ZCCHC7: variants seen among roughly 807,000 people sequenced by gnomAD.
The protein encoded by ZCCHC7 is zinc finger CCHC domain-containing protein 7.
A neutral mutation model predicts 52.0 loss-of-function variants in ZCCHC7; 35 were observed. The observed-to-expected ratio is 0.67, with a 90% CI of 0.51 to 0.89. The LOEUF is 0.89. Ranked by LOEUF, ZCCHC7 falls within the 40% of genes least tolerant of loss-of-function variation. The probability of loss-of-function intolerance (pLI) is 0.00; values close to 1 mark genes in which losing one functional copy is unlikely to be tolerated. For synonymous variants in ZCCHC7, 217 were observed against 221.5 expected, an observed-to-expected ratio of 0.98 and a Z score of 0.18; for missense variants, 574 against 649.1, an observed-to-expected ratio of 0.88 and a Z score of 1.26.
intron 2 of ZCCHC7, among the ~76,000 whole-genome samples, chr9:37,138,270 C>T (rs1215996980): frequency 6.6e-6 from 1 of 151,946 alleles, no homozygotes; most frequent in Non-Finnish European, 1.5e-5. Flanking sequence ...GTGAATGGAG[C>T]GAGGTTTGAA....
In ZCCHC7 at chr9:37,296,936, A is replaced by G. The variant is rs147148375; in HGVS notation, c.611-5252A>G. Among the ~76,000 whole-genome samples the G allele has an allele frequency of 5.2e-3, 581 of 111,790 alleles. 2 individuals carry two copies. Among genetic ancestry groups the G allele is most frequent in the African/African-American group, 0.017 (542 of 32,612 alleles). 73.3% of individuals were successfully genotyped at this position (111,790 alleles called of 152,430 possible). A position where few individuals can be genotyped will look rare whatever the true frequency, so the allele number is the denominator to read the frequency against. On this transcript the variant is annotated intron_variant, in intron 2 of 8. Coordinates refer to ENST00000336755, the MANE Select transcript of ZCCHC7 (RefSeq NM_032226.3). The stretch of plus-strand genomic sequence containing the variant: ...GTGTGTGTGTGTGTGTGTTTCGTAG[A>G]GATGAGGTCTCACTATGTTACCTAA...
At position 37,126,902 on chromosome 9, in the gene ZCCHC7, C is replaced by A; in HGVS notation, c.570C>A (p.Ile190=). Residue 190 remains isoleucine, a synonymous_variant, in exon 2 of 9, where the codon ATC becomes ATA. Coordinates refer to ENST00000336755, the MANE Select transcript of ZCCHC7 (RefSeq NM_032226.3). ...AAGTAGATGATAAAGATGATGATAT[C>A]CTTCTCAACCTTGTGGGATGTGAAA... ...GCEVDDKDDD[I]LLNLVGCENS... The A allele has an allele frequency of 1.2e-6, 2 of 1,614,020 alleles. No individual in the cohort carries two copies. The highest frequency in any genetic ancestry group is 2.2e-5 in the South Asian group (2 of 91,066).
intron 2 of ZCCHC7, among the ~76,000 whole-genome samples, chr9:37,208,429 ACC>A (rs1211853615): frequency 6.6e-6 from 1 of 152,078 alleles, no homozygotes; most frequent in East Asian, 1.9e-4. Context: ...GCCTTCACCA[ACC>A]CTTTCTCACT....
rs1180481878 is a variant in ZCCHC7 at position 37,267,576 on chromosome 9, T to C, written c.611-34612T>C. The stretch of plus-strand genomic sequence containing the variant: ...CACGGCTAATTTTTTCTTTTTTTTT[T>C]TTTTTTTTTTTGAGACAGAGTCTCG... On this transcript the variant is annotated intron_variant, in intron 2 of 8. Coordinates refer to ENST00000336755, the MANE Select transcript of ZCCHC7 (RefSeq NM_032226.3). 8.2e-5 allele frequency among the ~76,000 whole-genome samples: 12 copies of C among 145,460 alleles called. No individual in the cohort carries two copies. The South Asian group carries it at 1.1e-3, about 14-fold the overall frequency.
At chr9:37,329,618 A>G (rs915648760) in intron 6 of ZCCHC7, among the ~76,000 whole-genome samples, 1 of 151,884 alleles carries the variant, frequency 6.6e-6, no homozygotes, top group African/African-American at 2.4e-5. Context: ...TTGTGCATAT[A>G]TCAGTGTCTC....
chr9:37,124,049 A>G (rs1410723037), intron 1 of ZCCHC7, among the ~76,000 whole-genome samples: 3 of 152,172 alleles, frequency 2.0e-5, no homozygotes, highest in African/African-American at 7.2e-5. Context: ...GGTTTTTGGG[A>G]TTAAGGTGGT....
chr9:37,213,677 C>T (rs960218851), intron 2 of ZCCHC7, among the ~76,000 whole-genome samples: 1 of 152,124 alleles, frequency 6.6e-6, no homozygotes, highest in Non-Finnish European at 1.5e-5. Context: ...GAATTCTAAT[C>T]CTACTTGTGC....
chr9:37,354,799 A>G lies in ZCCHC7; in HGVS notation c.1173A>G (p.Glu391=), dbSNP rs1821595933. The G allele has an allele frequency of 6.2e-7, 1 of 1,609,558 alleles. No homozygotes were observed. The highest frequency in any genetic ancestry group is 8.5e-7 in the Non-Finnish European group (1 of 1,176,634). The change falls in exon 8 of 9, where the codon GAA becomes GAG. Residue 391 remains glutamate (E), a synonymous_variant. Coordinates refer to ENST00000336755, the MANE Select transcript of ZCCHC7 (RefSeq NM_032226.3). This position sits in a 1 kb window ranked among gnomAD's most constrained non-coding sequence, Gnocchi z 4.0. ...ACAAATATGAAATTCAGGAGAGAGA[A>G]AAGAGACTAAAACAAAAAATAAAAG... The part of the protein sequence containing the change: ...YDDKYEIQER[E]KRLKQKIKVL...
intron 5 of ZCCHC7, among the ~76,000 whole-genome samples, chr9:37,320,122 GGCTAGAGT>G (rs1218313406): frequency 6.6e-6 from 1 of 152,170 alleles, no homozygotes; most frequent in Non-Finnish European, 1.5e-5. Flanking sequence ...CTGTTGCCCA[GGCTAGAGT>G]GCAGTGGCAC....
chr9:37,311,612 G>C (rs1044894794), intron 5 of ZCCHC7, among the ~76,000 whole-genome samples: 14 of 152,114 alleles, frequency 9.2e-5, no homozygotes, highest in Admixed American at 7.2e-4. Context: ...GTTTCACTAT[G>C]TTGGCCAGGC....
At chr9:37,178,358 C>T (rs1822159631) in intron 2 of ZCCHC7, among the ~76,000 whole-genome samples, 1 of 147,838 alleles carries the variant, frequency 6.8e-6, no homozygotes, top group Non-Finnish European at 1.5e-5. Flanking sequence ...TGTACCCCCA[C>T]CTCCCCTCTC....
intron 2 of ZCCHC7, among the ~76,000 whole-genome samples, chr9:37,236,137 A>G (rs750455517): frequency 6.6e-6 from 1 of 152,192 alleles, no homozygotes; most frequent in South Asian, 2.1e-4. Context: ...ACTGTTTTCC[A>G]TAATGGCTGT....
intron 2 of ZCCHC7, among the ~76,000 whole-genome samples, chr9:37,234,215 A>T (rs1416878448): frequency 6.6e-6 from 1 of 152,170 alleles, no homozygotes; most frequent in East Asian, 1.9e-4. Flanking sequence ...TGTTCTCAGC[A>T]TAGCTGGATC....
chr9:37,293,569 G>C (rs559979442), intron 2 of ZCCHC7, among the ~76,000 whole-genome samples: 1 of 152,134 alleles, frequency 6.6e-6, no homozygotes, highest in South Asian at 2.1e-4. Context: ...GCCTTTTGTG[G>C]ACAGTTGGAG....
intron 2 of ZCCHC7, among the ~76,000 whole-genome samples, chr9:37,187,220 A>G (rs929326279): frequency 7.2e-5 from 11 of 152,220 alleles, no homozygotes; most frequent in African/African-American, 2.7e-4. Context: ...TAGCAGTCCC[A>G]AACCTTTTTG....
chr9:37,350,151 G>A (rs1208489115), intron 7 of ZCCHC7, among the ~76,000 whole-genome samples: 1 of 140,490 alleles, frequency 7.1e-6, no homozygotes, highest in East Asian at 2.1e-4. Flanking sequence ...TTTTTGAGAC[G>A]GAGTTTCACT....
chr9:37,357,043 G>C lies in ZCCHC7; in HGVS notation c.1407G>C (p.Val469=). ...KHRKADRHRE[V]DEDFPRGPKT... ...GGAAGGCTGACAGACATCGTGAAGT[G>C]GATGAGGATTTTCCCAGGGGCCCCA... The change falls in exon 9 of 9, where the codon GTG becomes GTC. Residue 469 remains valine (V), a synonymous_variant. Coordinates refer to ENST00000336755, the MANE Select transcript of ZCCHC7 (RefSeq NM_032226.3). The C allele has an allele frequency of 6.2e-7, 1 of 1,613,816 alleles. No homozygotes were observed.
At chr9:37,187,009 C>T (rs1822697824) in intron 2 of ZCCHC7, 1 of 228,150 alleles carries the variant, frequency 4.4e-6, no homozygotes, top group Non-Finnish European at 8.6e-6. Flanking sequence ...GAAACTTCTT[C>T]ACTGCTTTTT....
chr9:37,232,464 A>AT (rs945251684), intron 2 of ZCCHC7, among the ~76,000 whole-genome samples: 6 of 152,324 alleles, frequency 3.9e-5, no homozygotes, highest in African/African-American at 1.2e-4. Context: ...GAGACATATA[A>AT]TTTTTTAAAG....
Sources: gnomAD v4.1 joint callset for allele counts (sites outside exome capture counted in the v4.1 genomes callset) on GRCh38, gnomAD v4.1.1 for gene constraint, Gnocchi (gnomAD v3.1) non-coding constraint, MANE v1.5 for transcripts, NCBI Gene and HGNC (gene_info 2026-07-23, HGNC 2026-07-21) for gene names.